Variants in FRAS1 observed in about 807,000 individuals in gnomAD.
FRAS1 encodes extracellular matrix organizing protein FRAS1.
FRAS1 carries 290 observed loss-of-function variants against 435.2 expected under a neutral mutation model. The ratio of observed to expected loss-of-function variants is 0.67; its 90% CI spans 0.61 to 0.73. FRAS1 has a LOEUF of 0.73. Among genes scored for constraint, FRAS1 ranks in the 30% least tolerant of loss-of-function variants. The pLI, the probability that FRAS1 is intolerant of heterozygous loss-of-function variation, is 0.00. For synonymous variants in FRAS1, 1,800 were observed against 1,851.0 expected, an observed-to-expected ratio of 0.97 and a Z score of 0.71; for missense variants, 4,860 against 5,001.5, an observed-to-expected ratio of 0.97 and a Z score of 0.85.
chr4:78,164,818 A>G (rs1721273079), intron 2 of FRAS1, among the ~76,000 whole-genome samples: 1 of 152,156 alleles, frequency 6.6e-6, no homozygotes, highest in Non-Finnish European at 1.5e-5. Flanking sequence ...CACTAGCCTA[A>G]ACACAGTCTA....
At chr4:78,473,157 CT>C (rs2109852545) in intron 52 of FRAS1, among the ~76,000 whole-genome samples, 1 of 152,220 alleles carries the variant, frequency 6.6e-6, no homozygotes, top group East Asian at 1.9e-4. Flanking sequence ...TATTGAAGTG[CT>C]TTTTGTCAGG....
At chr4:78,324,353 T>C (rs1350249794) in intron 18 of FRAS1, among the ~76,000 whole-genome samples, 1 of 152,180 alleles carries the variant, frequency 6.6e-6, no homozygotes, top group Non-Finnish European at 1.5e-5. Context: ...AAATTCATAT[T>C]TAACTGAGCG....
intron 38 of FRAS1, among the ~76,000 whole-genome samples, chr4:78,434,743 A>T (rs1734349938): frequency 6.6e-6 from 1 of 152,178 alleles, no homozygotes; most frequent in Admixed American, 6.5e-5. Flanking sequence ...AAGCAAAAAA[A>T]GAAAAAAGCC....
chr4:78,329,896 C>T (rs1040533045), intron 18 of FRAS1, among the ~76,000 whole-genome samples: 3 of 152,202 alleles, frequency 2.0e-5, no homozygotes, highest in African/African-American at 7.2e-5. Context: ...TGGATTAAGT[C>T]TATTGGGGGC....
At chr4:78,310,723 G>A (rs1364357306) in intron 15 of FRAS1, among the ~76,000 whole-genome samples, 1 of 152,210 alleles carries the variant, frequency 6.6e-6, no homozygotes, top group African/African-American at 2.4e-5. Context: ...ACAGAAATAT[G>A]TTCTAAAACA....
intron 3 of FRAS1, 30 bp from the exon 4 acceptor site, chr4:78,245,197 CTGCTGT>C (rs1295097435): frequency 2.8e-6 from 4 of 1,409,142 alleles, no homozygotes. Context: ...GTGTGTGCTG[CTGCTGT>C]TTTACTTTGA....
chr4:78,275,592 A>G (rs544660914), intron 9 of FRAS1, among the ~76,000 whole-genome samples: 1 of 152,158 alleles, frequency 6.6e-6, no homozygotes, highest in African/African-American at 2.4e-5. Context: ...TTGGCTGGAT[A>G]TGAAATTCTG....
At position 78,278,686 on chromosome 4, in the gene FRAS1, G is replaced by A. The variant is rs1727178087; in HGVS notation, c.1013G>A (p.Cys338Tyr). Residue 338 changes from cysteine (C) to tyrosine (Y), a missense_variant, in exon 10 of 74, where the codon TGT becomes TAT. By Grantham distance (194) the Cys-to-Tyr change is radical. Coordinates refer to ENST00000512123, the MANE Select transcript of FRAS1 (RefSeq NM_025074.7). ...GAATTAATTCACTTAGATGGAAAGT[G>A]TTGTCCTGAATGCATTTCAAGGAAT... Reference protein sequence around the residue: ...DEELIHLDGKCCPECISRNGY... With the variant: ...DEELIHLDGKYCPECISRNGY... 3 of 1,606,666 alleles carry A rather than the reference G, an allele frequency of 1.9e-6. No individual in the cohort carries two copies. The highest frequency in any genetic ancestry group is 2.6e-6 in the Non-Finnish European group (3 of 1,173,634).
At position 78,318,817 on chromosome 4, in the gene FRAS1, C is replaced by T. The variant is rs1198870461; in HGVS notation, c.1968C>T (p.His656=). ...TTTTATTTCCATTTGCAGCCTGTCA[C>T]TCCTCCTGCCTGGCTTGTATGGGTC... ...YSDHGVCKAC[H]SSCLACMGPA... is the part of the protein sequence containing the mutation. The change falls in exon 18 of 74, where the codon CAC becomes CAT. Residue 656 remains histidine (H), a synonymous_variant. Coordinates refer to ENST00000512123, the MANE Select transcript of FRAS1 (RefSeq NM_025074.7). 10 of 1,561,888 alleles carry T rather than the reference C, an allele frequency of 6.4e-6. No homozygotes were observed. The East Asian group carries it at 1.4e-4, about 21-fold the overall frequency.
intron 2 of FRAS1, among the ~76,000 whole-genome samples, chr4:78,087,939 T>C (rs1360195568): frequency 6.6e-6 from 1 of 152,154 alleles, no homozygotes. Flanking sequence ...AAAGTTCATA[T>C]GGAACCAAAA....
At chr4:78,255,885 A>G (rs113747225) in intron 6 of FRAS1, among the ~76,000 whole-genome samples, 7 of 152,354 alleles carry the variant, frequency 4.6e-5, no homozygotes, top group African/African-American at 1.7e-4. Flanking sequence ...AGCTGATCTG[A>G]TTCTCAAAAC....
At chr4:78,212,539 CTT>C (rs779362688) in intron 2 of FRAS1, among the ~76,000 whole-genome samples, 8 of 152,194 alleles carry the variant, frequency 5.3e-5, no homozygotes, top group Admixed American at 6.5e-5. Context: ...GCAAACCTGA[CTT>C]TTACTTCTTT....
intron 2 of FRAS1, among the ~76,000 whole-genome samples, chr4:78,191,520 G>A (rs1560572390): frequency 7.7e-6 from 1 of 129,106 alleles, no homozygotes; most frequent in Non-Finnish European, 1.6e-5. Flanking sequence ...CTCGGGATTT[G>A]TTTGTATTAT....
intron 2 of FRAS1, among the ~76,000 whole-genome samples, chr4:78,191,979 G>T (rs1433974768): frequency 6.6e-6 from 1 of 152,130 alleles, no homozygotes; most frequent in African/African-American, 2.4e-5. Context: ...CTTTGCTACT[G>T]TGAATAGTGC....
In FRAS1 at chr4:78,372,843, T is replaced by A. The variant is rs748248783; in HGVS notation, c.2995T>A (p.Ser999Thr). The change falls in exon 24 of 74, where the codon TCG becomes ACG. Residue 999 changes from serine (S) to threonine (T), a missense_variant. Physicochemically the swap from Ser to Thr is moderately conservative, Grantham distance 58. Coordinates refer to ENST00000512123, the MANE Select transcript of FRAS1 (RefSeq NM_025074.7). Reference sequence around the variant, plus strand: ...GTGCTTGTCATCATTTTACCAGGACTCGGGCCTCTGCAAGAGTAAGTGTGT... The same window carrying A: ...GTGCTTGTCATCATTTTACCAGGACACGGGCCTCTGCAAGAGTAAGTGTGT... ...EQCLSSFYQD[S>T]GLCKNCDSYC... 6.2e-7 allele frequency: 1 copy of A among 1,612,704 alleles called. No homozygotes were observed. The highest frequency in any genetic ancestry group is 1.3e-5 in the African/African-American group (1 of 75,022).
intron 2 of FRAS1, among the ~76,000 whole-genome samples, chr4:78,177,386 A>G (rs1194013727): frequency 3.3e-5 from 5 of 152,206 alleles, no homozygotes; most frequent in Non-Finnish European, 7.3e-5. Context: ...GAAGGAGGAA[A>G]TAAACACTGC....
At chr4:78,263,250 T>C (rs1422125749) in intron 6 of FRAS1, among the ~76,000 whole-genome samples, 1 of 152,218 alleles carries the variant, frequency 6.6e-6, no homozygotes, top group Non-Finnish European at 1.5e-5. Flanking sequence ...CTCTCAATCG[T>C]GTAGTTCTCT....
intron 20 of FRAS1, among the ~76,000 whole-genome samples, chr4:78,338,259 T>C (rs2110266981): frequency 1.3e-5 from 2 of 150,948 alleles, no homozygotes; most frequent in African/African-American, 4.9e-5. Context: ...TCAGTTGCCT[T>C]AGGAGATGGG....
At chr4:78,290,457 CTTTCT>C (rs1411219900) in intron 14 of FRAS1, among the ~76,000 whole-genome samples, 56 of 135,484 alleles carry the variant, frequency 4.1e-4, no homozygotes, top group Non-Finnish European at 6.6e-4. Flanking sequence ...TTCTTTCTTT[CTTTCT>C]TTTTTTTTTT....
Sources: allele counts gnomAD v4.1 joint callset (sites outside exome capture counted in the v4.1 genomes callset), GRCh38; gene constraint gnomAD v4.1.1; transcripts MANE v1.5; gene names NCBI Gene and HGNC (gene_info 2026-07-23, HGNC 2026-07-21).